The following TMEM192 variants were observed in gnomAD, a reference collection of about 807,000 sequenced individuals.
TMEM192 encodes transmembrane protein 192.
Under a neutral mutation model 26.7 loss-of-function variants are expected in TMEM192, and 20 were observed. The ratio of observed to expected loss-of-function variants is 0.75; its 90% CI spans 0.53 to 1.09. The LOEUF (loss-of-function observed/expected upper bound fraction) is 1.09, where lower values mean the gene tolerates loss of function less well. TMEM192 is among the 50% of genes least tolerant of loss of function. The pLI, the probability that TMEM192 is intolerant of heterozygous loss-of-function variation, is 0.00. For missense variants in TMEM192, 304 were observed against 322.6 expected (o/e 0.94, Z 0.44); for synonymous variants, 124 against 121.0 (o/e 1.02, Z -0.16).
chr4:165,081,200 C>A (rs1734511094), intron 5 of TMEM192, among the ~76,000 whole-genome samples: 1 of 150,132 alleles, frequency 6.7e-6, no homozygotes, highest in Admixed American at 6.7e-5. Context: ...ACATTTAGCA[C>A]TTAATATGTA....
rs35641833 is a variant in TMEM192 at position 165,092,112 on chromosome 4, C to CTTTTTTTTTTTT, written c.440-3522_440-3511dup. 1.4e-4 allele frequency among the ~76,000 whole-genome samples: 10 copies of CTTTTTTTTTTTT among 72,074 alleles called. 2 individuals are homozygous for CTTTTTTTTTTTT. The highest frequency in any genetic ancestry group is 6.7e-4 in the African/African-American group (10 of 14,850). 47.3% of individuals were successfully genotyped at this position (72,074 alleles called of 152,430 possible). A position where few individuals can be genotyped will look rare whatever the true frequency, so the allele number is the denominator to read the frequency against. ...AATGCTGTTCTTTCTTAATGCTGTT[C>CTTTTTTTTTTTT]TTTTTTTTTTTTTTTTTTTTTTTTT... is the stretch of plus-strand genomic sequence containing the variant. On this transcript the variant is annotated intron_variant, in intron 3 of 5. Transcript: ENST00000306480.
At chr4:165,091,646 A>C (rs1734766755) in intron 3 of TMEM192, among the ~76,000 whole-genome samples, 1 of 152,184 alleles carries the variant, frequency 6.6e-6, no homozygotes, top group South Asian at 2.1e-4. Context: ...TTAAAGGATA[A>C]AAACAAAATA....
At chr4:165,081,311 G>T (rs1315253563) in intron 5 of TMEM192, among the ~76,000 whole-genome samples, 9 of 150,900 alleles carry the variant, frequency 6.0e-5, no homozygotes, top group Non-Finnish European at 1.2e-4. Context: ...TATCTTGATG[G>T]AACTGAGAAG....
At chr4:165,107,082 T>C (rs1735178958) in intron 1 of TMEM192, among the ~76,000 whole-genome samples, 1 of 151,834 alleles carries the variant, frequency 6.6e-6, no homozygotes, top group East Asian at 1.9e-4. Context: ...TGGAGTGCAA[T>C]GGCATGATCT....
intron 1 of TMEM192, among the ~76,000 whole-genome samples, chr4:165,107,197 G>A (rs1324565130): frequency 6.6e-6 from 1 of 151,844 alleles, no homozygotes; most frequent in Non-Finnish European, 1.5e-5. Context: ...GCTAGTTTTT[G>A]TATTTTTAAT....
intron 5 of TMEM192, among the ~76,000 whole-genome samples, chr4:165,080,450 T>A (rs558432078): frequency 4.2e-4 from 64 of 152,258 alleles, no homozygotes; most frequent in African/African-American, 1.4e-3. Flanking sequence ...ATGATGATAA[T>A]GATAATGACA....
At chr4:165,085,017 G>A (rs919141962) in intron 5 of TMEM192, among the ~76,000 whole-genome samples, 1 of 151,974 alleles carries the variant, frequency 6.6e-6, no homozygotes, top group African/African-American at 2.4e-5. Flanking sequence ...GCTCACGCCT[G>A]TGATCCCAGC....
rs191526595 is a variant in TMEM192 at position 165,084,103 on chromosome 4, G to A, written c.677+1483C>T. On this transcript the variant is annotated intron_variant, in intron 5 of 5. Coordinates refer to ENST00000306480, the MANE Select transcript of TMEM192 (RefSeq NM_001100389.2). ...TTAAAAGTGCTAGGATTACAGGCAT[G>A]AGCCACCGCGCCCAGTCATGTTTTT... 3.3e-5 allele frequency among the ~76,000 whole-genome samples: 5 copies of A among 152,032 alleles called. No homozygotes were observed. In the East Asian group the frequency reaches 7.8e-4, roughly 24 times the overall value.
At chr4:165,095,056 G>A (rs376985711) in intron 3 of TMEM192, among the ~76,000 whole-genome samples, 15 of 152,008 alleles carry the variant, frequency 9.9e-5, no homozygotes, top group Admixed American at 7.9e-4. Context: ...TGGGCTGGGC[G>A]GTCCTGTAAT....
chr4:165,101,174 C>T (rs1007516821), intron 2 of TMEM192, among the ~76,000 whole-genome samples: 3 of 151,474 alleles, frequency 2.0e-5, no homozygotes, highest in Non-Finnish European at 4.4e-5. Flanking sequence ...GACGGGGTTT[C>T]ACCATGTTAG....
intron 2 of TMEM192, among the ~76,000 whole-genome samples, 166 bp downstream of exon 2, chr4:165,102,784 C>CTTTT (rs11315804): frequency 1.5e-5 from 2 of 130,846 alleles, no homozygotes; most frequent in Non-Finnish European, 3.1e-5. Flanking sequence ...AGTGTACGTA[C>CTTTT]TTTTTTTTTT....
At position 165,096,588 on chromosome 4, in the gene TMEM192, G is replaced by A. The variant is rs139361576; in HGVS notation, c.439+4040C>T. 4.0e-3 allele frequency among the ~76,000 whole-genome samples: 601 copies of A among 149,794 alleles called. 1 individual carries two copies. The highest frequency in any genetic ancestry group is 0.014 in the African/African-American group (566 of 40,796). ...GGCTGAAGTTAATATTATCAGTACT[G>A]TTATCTGTAAGTCCTACATCCTACA... is the stretch of plus-strand genomic sequence containing the variant. On this transcript the variant is annotated intron_variant, in intron 3 of 5. Coordinates refer to ENST00000306480, the MANE Select transcript of TMEM192 (RefSeq NM_001100389.2).
rs968381531 is a variant in TMEM192 at position 165,076,654 on chromosome 4, CAG to C, written c.*3002_*3003del. Reference sequence around the variant, plus strand: ...CCTACTGTCATTACTGCACTTAGCACAGAGTCTGGAAATCTATTCCTCGCTCT... The same window carrying C: ...CCTACTGTCATTACTGCACTTAGCACAGTCTGGAAATCTATTCCTCGCTCT... On this transcript the variant is annotated 3_prime_UTR_variant, in exon 6 of 6. Coordinates refer to ENST00000306480, the MANE Select transcript of TMEM192 (RefSeq NM_001100389.2). The C allele has an allele frequency of 2.0e-5, 3 of 152,360 alleles. No individual in the cohort carries two copies. The highest frequency in any genetic ancestry group is 2.1e-4 in the South Asian group (1 of 4,824). 9.4% of individuals were successfully genotyped at this position (152,360 alleles called of 1,614,324 possible). A position where few individuals can be genotyped will look rare whatever the true frequency, so the allele number is the denominator to read the frequency against.
rs1466354821 is a variant in TMEM192, at chr4:165,077,829, A to C, written c.*1829T>G. ...TCTGTCTCAAAAACAACAACAAAAA[A>C]AAAAACCCCCAAAAAACAAAAAAAA... On this transcript the variant is annotated 3_prime_UTR_variant, in exon 6 of 6. Transcript: ENST00000306480. The C allele has an allele frequency of 6.6e-6, 1 of 151,994 alleles. No individual in the cohort carries two copies. The highest frequency in any genetic ancestry group is 1.5e-5 in the Non-Finnish European group (1 of 67,998). 9.4% of individuals were successfully genotyped at this position (151,994 alleles called of 1,614,324 possible). A position where few individuals can be genotyped will look rare whatever the true frequency, so the allele number is the denominator to read the frequency against.
chr4:165,109,152 G>C (rs1735238881), intron 1 of TMEM192, among the ~76,000 whole-genome samples: 1 of 152,172 alleles, frequency 6.6e-6, no homozygotes, highest in Non-Finnish European at 1.5e-5. Flanking sequence ...ATCTGTATCT[G>C]TATCATAACC....
In TMEM192 at chr4:165,072,284, G is replaced by A. The variant is rs1734288001; in HGVS notation, c.*7374C>T. On this transcript the variant is annotated 3_prime_UTR_variant, in exon 6 of 6. Coordinates refer to ENST00000306480, the MANE Select transcript of TMEM192 (RefSeq NM_001100389.2). ...CACTATTATAATAGGGCCAGGCACA[G>A]TGACTCATGCCTGTAATTGCAGCAC... The A allele has an allele frequency of 6.6e-6, 1 of 152,066 alleles. No homozygotes were observed. The highest frequency in any genetic ancestry group is 1.5e-5 in the Non-Finnish European group (1 of 68,094). The allele number at this position is 152,066 out of a possible 1,614,324, so 9.4% of individuals were successfully genotyped here.
At chr4:165,090,859 G>A (rs1011345634) in intron 3 of TMEM192, among the ~76,000 whole-genome samples, 7 of 126,518 alleles carry the variant, frequency 5.5e-5, no homozygotes, top group Non-Finnish European at 7.9e-5. Context: ...AGCTGAGATC[G>A]TGCCACTGCA....
At chr4:165,107,956 C>T (rs1370843050) in intron 1 of TMEM192, among the ~76,000 whole-genome samples, 5 of 152,050 alleles carry the variant, frequency 3.3e-5, no homozygotes, top group Admixed American at 6.6e-5. Flanking sequence ...GTTTAATGTT[C>T]ACATGCTATT....
chr4:165,108,661 A>G (rs1354216869), intron 1 of TMEM192, among the ~76,000 whole-genome samples: 5 of 152,072 alleles, frequency 3.3e-5, no homozygotes, highest in South Asian at 2.1e-4. Flanking sequence ...GTTCCTTCCA[A>G]TCCTTTTAGG....
Sources: gnomAD v4.1 joint callset for allele counts (sites outside exome capture counted in the v4.1 genomes callset) on GRCh38, gnomAD v4.1.1 for gene constraint, MANE v1.5 for transcripts, NCBI Gene and HGNC (gene_info 2026-07-23, HGNC 2026-07-21) for gene names.